Variants in GLG1 observed in about 807,000 individuals in gnomAD.
GLG1 encodes Golgi apparatus protein 1.
GLG1 carries 38 observed loss-of-function variants against 160.5 expected under a neutral mutation model. That is an observed-to-expected ratio of 0.24 (90% CI 0.18 to 0.31). GLG1 has a LOEUF of 0.31. GLG1 is among the 10% of genes least tolerant of loss of function. GLG1 has a pLI of 1.00. For synonymous variants in GLG1, 644 were observed against 543.4 expected, an observed-to-expected ratio of 1.19 and a Z score of -2.57; for missense variants, 1,373 against 1,505.2, an observed-to-expected ratio of 0.91 and a Z score of 1.45.
Position 74,541,981 on chromosome 16 carries a change from A to T in GLG1, c.439-9828T>A, listed in dbSNP as rs1414086230. 3.5e-5 allele frequency among the ~76,000 whole-genome samples: 5 copies of T among 143,302 alleles called. No individual in the cohort carries two copies. In the East Asian group the frequency reaches 1.0e-3, roughly 29 times the overall value. The allele number at this position is 143,302 out of a possible 152,430, so 94.0% of individuals were successfully genotyped here. A position where few individuals can be genotyped will look rare whatever the true frequency, so the allele number is the denominator to read the frequency against. The stretch of plus-strand genomic sequence containing the variant: ...GGAAAGCAGGGGAGTTTAATGATAC[A>T]TTTTCCCAGTTCATATTTTCCTATT... On this transcript the variant is annotated intron_variant, in intron 1 of 25. Transcript: ENST00000422840.
At position 74,453,880 on chromosome 16, in the gene GLG1, T is replaced by TA. The variant is rs1277226982; in HGVS notation, c.3373-547_3373-546insT. 1.2e-4 allele frequency among the ~76,000 whole-genome samples: 18 copies of TA among 151,062 alleles called. No individual in the cohort carries two copies. In the East Asian group the frequency reaches 2.7e-3, roughly 23 times the overall value. On this transcript the variant is annotated intron_variant, in intron 25 of 25. Coordinates refer to ENST00000422840, the MANE Select transcript of GLG1 (RefSeq NM_001145667.2). ...TATTCTATATTTTGTAAATTCTATT[T>TA]TTTTTTTTTTTTGAGACAAAGTCTT...
chr16:74,485,070 C>T (rs879471660), intron 9 of GLG1, among the ~76,000 whole-genome samples: 2 of 152,168 alleles, frequency 1.3e-5, no homozygotes, highest in African/African-American at 2.4e-5. Flanking sequence ...TGCACCACCA[C>T]GCCAGCTGAT....
In GLG1 at chr16:74,606,771, C is replaced by G. The variant is rs749673541; in HGVS notation, c.324G>C (p.Gly108=). 4 of 1,611,580 alleles carry G rather than the reference C, an allele frequency of 2.5e-6. No individual in the cohort carries two copies. Among genetic ancestry groups the G allele is most frequent in the Non-Finnish European group, 3.4e-6 (4 of 1,178,884 alleles). ...ACTCTTCCTCCGCCAGCTTCCAGCC[C>G]CCACCAGCCCCCGCTCCTCCCCGCC... is the stretch of plus-strand genomic sequence containing the variant. ...PARRGGAGAG[G]GWKLAEEESC... is the part of the protein sequence containing the mutation. The change falls in exon 1 of 26, where the codon GGG becomes GGC. Residue 108 remains glycine (G), a synonymous_variant. Coordinates refer to ENST00000422840, the MANE Select transcript of GLG1 (RefSeq NM_001145667.2).
chr16:74,508,904 TC>T lies in GLG1; in HGVS notation c.492del (p.Asn165ThrfsTer2). 1 of 1,486,498 alleles carries T rather than the reference TC, an allele frequency of 6.7e-7. No individual in the cohort carries two copies. The highest frequency in any genetic ancestry group is 9.4e-7 in the Non-Finnish European group (1 of 1,065,944). The allele number at this position is 1,486,498 out of a possible 1,614,324, so 92.1% of individuals were successfully genotyped here. ...DCNHLLWNYK[L>X]NLTTDPKFES... ...TCAAATTTGGGATCTGTAGTTAGGT[TC>T]AGCTTATAATTCCACAACAACTAGA... On this transcript the variant is annotated frameshift_variant, in exon 3 of 26. Transcript: ENST00000422840. LOFTEE classifies it high-confidence loss of function.
At chr16:74,472,196 G>A (rs138405826) in intron 14 of GLG1, among the ~76,000 whole-genome samples, 153 bp downstream of exon 14, 9 of 152,226 alleles carry the variant, frequency 5.9e-5, no homozygotes, top group Non-Finnish European at 1.3e-4. Context: ...CACCACACCC[G>A]GCCTGTTTAC....
intron 1 of GLG1, among the ~76,000 whole-genome samples, chr16:74,597,540 G>T (rs542128539): frequency 6.6e-6 from 1 of 150,814 alleles, no homozygotes; most frequent in Non-Finnish European, 1.5e-5. Context: ...CCAACATGGC[G>T]AAATCCTGCC....
At chr16:74,490,213 ACTAAATCT>A (rs1429066439) in intron 8 of GLG1, among the ~76,000 whole-genome samples, 1 of 152,220 alleles carries the variant, frequency 6.6e-6, no homozygotes, top group African/African-American at 2.4e-5. Context: ...AAAGGGATGT[ACTAAATCT>A]CTAATACATT....
rs1351616043 is a variant in GLG1, at chr16:74,448,680, A to G, written c.*4487T>C. The G allele has an allele frequency of 7.1e-6, 1 of 141,448 alleles. No homozygotes were observed. Among genetic ancestry groups the G allele is most frequent in the African/African-American group, 2.7e-5 (1 of 37,684 alleles). The allele number at this position is 141,448 out of a possible 1,614,324, so 8.8% of individuals were successfully genotyped here. A position where few individuals can be genotyped will look rare whatever the true frequency, so the allele number is the denominator to read the frequency against. On this transcript the variant is annotated 3_prime_UTR_variant, in exon 26 of 26. Transcript: ENST00000422840. ...GGCAGGAGAACTGCTTGAACCTAGG[A>G]GGCAGAAGTTGCAGTGAGCCGAGAT...
In GLG1 at chr16:74,474,635, GC is replaced by G; in HGVS notation, c.1966-4del. On this transcript the variant is annotated splice_polypyrimidine_tract_variant and splice_region_variant and intron_variant, in intron 12 of 25. Transcript: ENST00000422840. Reference sequence around the variant, plus strand: ...TGGTCCTGAAGGCACTCCAGCTCCTGCAAATATAAAGGCAAGCCACTGGCAT... The same window carrying G: ...TGGTCCTGAAGGCACTCCAGCTCCTGAAATATAAAGGCAAGCCACTGGCAT... 6.8e-7 allele frequency: 1 copy of G among 1,477,946 alleles called. No homozygotes were observed. Among genetic ancestry groups the G allele is most frequent in the East Asian group, 2.3e-5 (1 of 44,282 alleles). The allele number at this position is 1,477,946 out of a possible 1,614,324, so 91.6% of individuals were successfully genotyped here. A position where few individuals can be genotyped will look rare whatever the true frequency, so the allele number is the denominator to read the frequency against.
At chr16:74,465,583 T>A in intron 19 of GLG1, 93 bp downstream of exon 19, 2 of 1,326,950 alleles carry the variant, frequency 1.5e-6, no homozygotes, top group Non-Finnish European at 1.1e-6. Context: ...GACCACACTT[T>A]GAGAAAGCTG....
intron 3 of GLG1, among the ~76,000 whole-genome samples, chr16:74,507,424 C>G (rs2016652075): frequency 6.6e-6 from 1 of 152,032 alleles, no homozygotes; most frequent in Admixed American, 6.6e-5. Flanking sequence ...ATGTATCTCT[C>G]CAATGTGTTT....
chr16:74,498,468 T>A (rs2868044), intron 4 of GLG1, among the ~76,000 whole-genome samples: 782 of 29,198 alleles, frequency 0.027, 80 homozygotes, highest in East Asian at 0.037. Flanking sequence ...ATATATATAT[T>A]ATATTTTATA....
At chr16:74,573,515 AACTTAT>A (rs55921511) in intron 1 of GLG1, among the ~76,000 whole-genome samples, 23,663 of 151,020 alleles carry the variant, frequency 0.16, 2,199 homozygotes, top group Middle Eastern at 0.24. Flanking sequence ...TAAATTTTAA[AACTTAT>A]ACTTATATAT....
intron 2 of GLG1, among the ~76,000 whole-genome samples, chr16:74,513,091 C>T (rs191794008): frequency 3.3e-5 from 5 of 152,176 alleles, no homozygotes; most frequent in Admixed American, 2.0e-4. Context: ...TTGAATACCG[C>T]AGTTCATATT....
chr16:74,489,054 C>T (rs1361049698), intron 8 of GLG1, among the ~76,000 whole-genome samples: 3 of 152,196 alleles, frequency 2.0e-5, no homozygotes, highest in Non-Finnish European at 4.4e-5. Context: ...AGCTGAGTCA[C>T]TAGTTCTTTC....
At position 74,452,422 on chromosome 16, in the gene GLG1, C is replaced by T; in HGVS notation, c.*745G>A. The T allele has an allele frequency of 8.5e-7, 1 of 1,169,956 alleles. No individual in the cohort carries two copies. Among genetic ancestry groups the T allele is most frequent in the Non-Finnish European group, 1.1e-6 (1 of 938,864 alleles). The allele number at this position is 1,169,956 out of a possible 1,614,324, so 72.5% of individuals were successfully genotyped here. ...CAAACTTCCGGTCCCTTCCCCTCCC[C>T]AGCTGCCCTTGTCTAGGAAGGCTCA... On this transcript the variant is annotated 3_prime_UTR_variant, in exon 26 of 26. Coordinates refer to ENST00000422840, the MANE Select transcript of GLG1 (RefSeq NM_001145667.2).
chr16:74,498,242 C>A (rs898500323), intron 4 of GLG1, among the ~76,000 whole-genome samples: 27 of 150,238 alleles, frequency 1.8e-4, no homozygotes, highest in African/African-American at 6.4e-4. Context: ...ACCAGTCTGG[C>A]CAACACAGTG....
intron 3 of GLG1, 85 bp from the exon 4 acceptor site, chr16:74,503,831 T>A: frequency 1.1e-6 from 1 of 897,774 alleles, no homozygotes; most frequent in Non-Finnish European, 1.8e-6. Context: ...TGTCTGAAAT[T>A]TTCCTGTTGA....
rs556208273 is a variant in GLG1 at position 74,505,557 on chromosome 16, T to C, written c.559-1811A>G. ...CAACATGGCGAAACCCCATCTCTAC[T>C]AAAAATACAAAAATTGGCCAGGTGC... On this transcript the variant is annotated intron_variant, in intron 3 of 25. Transcript: ENST00000422840. Among the ~76,000 whole-genome samples, 6 of 152,188 alleles carry C rather than the reference T, an allele frequency of 3.9e-5. No homozygotes were observed. The East Asian group carries it at 1.2e-3, about 30-fold the overall frequency.
Sources: gnomAD v4.1 joint callset for allele counts (sites outside exome capture counted in the v4.1 genomes callset) on GRCh38, gnomAD v4.1.1 for gene constraint, MANE v1.5 for transcripts, NCBI Gene and HGNC (gene_info 2026-07-23, HGNC 2026-07-21) for gene names.